The following PKP4 variants were observed in gnomAD, a reference collection of about 807,000 sequenced individuals.
PKP4 encodes the protein plakophilin 4.
In PKP4, 90 loss-of-function variants were observed where a neutral mutation model predicts 145.1. The observed-to-expected ratio is 0.62, with a 90% CI of 0.52 to 0.74. The LOEUF is 0.74. PKP4 is among the 30% of genes least tolerant of loss of function. PKP4 has a pLI of 0.00. For missense variants in PKP4, 1,340 were observed against 1,482.7 expected (o/e 0.90, Z 1.58); for synonymous variants, 563 against 577.2 (o/e 0.98, Z 0.35).
In PKP4 at chr2:158,658,265, A is replaced by G. The variant is rs1463323574; in HGVS notation, c.2044A>G (p.Ile682Val). 2 of 1,608,340 alleles carry G rather than the reference A, an allele frequency of 1.2e-6. No individual in the cohort carries two copies. The highest frequency in any genetic ancestry group is 2.7e-5 in the African/African-American group (2 of 74,826). The part of the protein sequence containing the change: ...NNSSFDDDHK[I>V]KFQTSLVLRN... ...CTCTTCTTTTGATGATGATCATAAA[A>G]TTAAATTTCAGACTTCACTAGTTCT... The change falls in exon 12 of 22, where the codon ATT becomes GTT. Residue 682 changes from isoleucine (I) to valine (V), a missense_variant. Ile to Val is a conservative substitution (Grantham distance 29). Coordinates refer to ENST00000389759, the MANE Select transcript of PKP4 (RefSeq NM_003628.6).
At chr2:158,541,869 A>T (rs1332439106) in intron 2 of PKP4, among the ~76,000 whole-genome samples, 1 of 152,118 alleles carries the variant, frequency 6.6e-6, no homozygotes, top group African/African-American at 2.4e-5. Context: ...AAATCATTCT[A>T]AGAGCCTAAA....
chr2:158,568,606 A>G (rs993451953), intron 2 of PKP4, among the ~76,000 whole-genome samples: 3 of 152,116 alleles, frequency 2.0e-5, no homozygotes, highest in Non-Finnish European at 4.4e-5. Flanking sequence ...CTGTACATGG[A>G]CCCGTGTGAT....
chr2:158,634,611 T>C (rs2053656336), intron 9 of PKP4, among the ~76,000 whole-genome samples: 3 of 152,210 alleles, frequency 2.0e-5, no homozygotes, highest in African/African-American at 7.2e-5. Context: ...AACAAGGCTT[T>C]GAAAGATCAA....
intron 2 of PKP4, among the ~76,000 whole-genome samples, chr2:158,567,066 A>G (rs1313442712): frequency 6.6e-6 from 1 of 152,166 alleles, no homozygotes. Flanking sequence ...GTAATAAGGG[A>G]GTAAATCATA....
intron 1 of PKP4, among the ~76,000 whole-genome samples, chr2:158,515,347 G>A (rs901602848): frequency 2.0e-5 from 3 of 152,068 alleles, no homozygotes; most frequent in Admixed American, 6.5e-5. Context: ...AGCCTGGTAT[G>A]GTGATGTGCA....
intron 2 of PKP4, among the ~76,000 whole-genome samples, chr2:158,576,818 C>CTG (rs3048024): frequency 0.72 from 108,549 of 151,720 alleles, 40,010 homozygotes; most frequent in Non-Finnish European, 0.8. Flanking sequence ...AATTAAAAGA[C>CTG]TATATCAAAC....
At chr2:158,466,227 G>T (rs1045861893) in intron 1 of PKP4, among the ~76,000 whole-genome samples, 1 of 152,006 alleles carries the variant, frequency 6.6e-6, no homozygotes, top group African/African-American at 2.4e-5. Context: ...TGCTACTCTT[G>T]GATAATCGTG....
intron 3 of PKP4, among the ~76,000 whole-genome samples, chr2:158,579,857 AGCTATATATATATT>A (rs1421292160): frequency 1.7e-3 from 265 of 152,068 alleles, no homozygotes; most frequent in African/African-American, 6.1e-3. Flanking sequence ...ATATATATAT[AGCTATATATATATT>A]GCTATATATA....
chr2:158,629,202 C>A (rs2105908649), intron 7 of PKP4, among the ~76,000 whole-genome samples: 1 of 152,256 alleles, frequency 6.6e-6, no homozygotes, highest in South Asian at 2.1e-4. Flanking sequence ...TTCCATGGCC[C>A]CCTCCTTGGT....
chr2:158,460,033 G>T (rs1262909072), intron 1 of PKP4, among the ~76,000 whole-genome samples: 2 of 152,126 alleles, frequency 1.3e-5, no homozygotes, highest in Non-Finnish European at 2.9e-5. Context: ...GCTGCATCTG[G>T]TGTCTTATGT....
At chr2:158,602,314 A>G (rs1012315379) in intron 3 of PKP4, among the ~76,000 whole-genome samples, 3 of 152,210 alleles carry the variant, frequency 2.0e-5, no homozygotes, top group African/African-American at 7.2e-5. Flanking sequence ...ATAAGGGTGT[A>G]CCTATTCACA....
chr2:158,504,332 GAATGAACA>G (rs1473107646), intron 1 of PKP4, among the ~76,000 whole-genome samples: 1 of 152,168 alleles, frequency 6.6e-6, no homozygotes, highest in East Asian at 1.9e-4. Flanking sequence ...GTAAATGCTG[GAATGAACA>G]AATGAACAAT....
intron 1 of PKP4, among the ~76,000 whole-genome samples, chr2:158,509,054 A>C (rs1280500735): frequency 1.3e-5 from 2 of 152,216 alleles, no homozygotes; most frequent in African/African-American, 4.8e-5. Context: ...TATGGTCTTC[A>C]GATTAATGAA....
chr2:158,638,876 G>A (rs2054035718), intron 9 of PKP4, among the ~76,000 whole-genome samples: 1 of 152,156 alleles, frequency 6.6e-6, no homozygotes, highest in Non-Finnish European at 1.5e-5. Flanking sequence ...TGGGTAATCT[G>A]CATGACACCC....
At chr2:158,478,451 G>A (rs7581449) in intron 1 of PKP4, among the ~76,000 whole-genome samples, 14 of 152,134 alleles carry the variant, frequency 9.2e-5, no homozygotes, top group South Asian at 2.1e-4. Flanking sequence ...TAGAAGAGTC[G>A]TACTAAGTGC....
intron 2 of PKP4, 62 bp from the exon 3 acceptor site, chr2:158,577,209 A>G (rs950609375): frequency 1.2e-5 from 12 of 972,188 alleles, no homozygotes; most frequent in Non-Finnish European, 1.9e-5. Flanking sequence ...ACATTAATTC[A>G]TATATCTGCC....
At chr2:158,539,687 C>A (rs1011565342) in intron 2 of PKP4, among the ~76,000 whole-genome samples, 1 of 152,086 alleles carries the variant, frequency 6.6e-6, no homozygotes, top group African/African-American at 2.4e-5. Flanking sequence ...GCATCTAACC[C>A]AAGATAAGAT....
intron 1 of PKP4, chr2:158,458,463 A>G (rs1416718115): frequency 3.9e-5 from 6 of 152,314 alleles, no homozygotes; most frequent in African/African-American, 1.4e-4. Context: ...TGTGTAGCCA[A>G]GGTTATTGAT....
At position 158,621,349 on chromosome 2, in the gene PKP4, G is replaced by GCATT; in HGVS notation, c.539_542dup (p.Gly182HisfsTer5). 1 of 1,614,148 alleles carries GCATT rather than the reference G, an allele frequency of 6.2e-7. No individual in the cohort carries two copies. The highest frequency in any genetic ancestry group is 8.5e-7 in the Non-Finnish European group (1 of 1,179,984). On this transcript the variant is annotated frameshift_variant, in exon 6 of 22. Transcript: ENST00000389759. LOFTEE classifies it high-confidence loss of function. The stretch of plus-strand genomic sequence containing the variant: ...TGAGCAAGGCAGACAACAGACAGCA[G>GCATT]CATTCATTCATAGGATCAACTAACA...
Sources: allele counts gnomAD v4.1 joint callset (sites outside exome capture counted in the v4.1 genomes callset), GRCh38; gene constraint gnomAD v4.1.1; transcripts MANE v1.5; gene names NCBI Gene and HGNC (gene_info 2026-07-23, HGNC 2026-07-21).